SLC11A2: variants seen among roughly 807,000 people sequenced by gnomAD.
SLC11A2 encodes solute carrier family 11 member 2, also known as natural resistance-associated macrophage protein 2.
SLC11A2 carries 38 observed loss-of-function variants against 68.0 expected under a neutral mutation model. That is an observed-to-expected ratio of 0.56 (90% CI 0.43 to 0.73). The LOEUF (loss-of-function observed/expected upper bound fraction) is 0.73, where lower values mean the gene tolerates loss of function less well. SLC11A2 is among the 30% of genes least tolerant of loss of function. The probability of loss-of-function intolerance (pLI) is 0.00; values close to 1 mark genes in which losing one functional copy is unlikely to be tolerated. For missense variants in SLC11A2, 517 were observed against 690.5 expected (o/e 0.75, Z 2.82); for synonymous variants, 242 against 250.6 (o/e 0.97, Z 0.32).
Position 50,986,572 on chromosome 12 carries a change from A to G in SLC11A2, c.*1753T>C. On this transcript the variant is annotated 3_prime_UTR_variant, in exon 16 of 16. Transcript: ENST00000262052. ...TGTTACCATATCATCTTTATAAAGA[A>G]TTTTTTTTTTGTCGTCAGTTTGGCC... is the stretch of plus-strand genomic sequence containing the variant. 8.4e-7 allele frequency: 1 copy of G among 1,191,876 alleles called. No individual in the cohort carries two copies. The highest frequency in any genetic ancestry group is 1.1e-6 in the Non-Finnish European group (1 of 914,220). 73.8% of individuals were successfully genotyped at this position (1,191,876 alleles called of 1,614,324 possible). A position where few individuals can be genotyped will look rare whatever the true frequency, so the allele number is the denominator to read the frequency against.
intron 1 of SLC11A2, among the ~76,000 whole-genome samples, chr12:51,013,772 G>C (rs966871743): frequency 6.6e-6 from 1 of 151,918 alleles, no homozygotes; most frequent in South Asian, 2.1e-4. Flanking sequence ...GAAATGTCTC[G>C]TCTACATCTG....
chr12:51,013,778 A>T (rs1943416799), intron 1 of SLC11A2, among the ~76,000 whole-genome samples: 1 of 152,050 alleles, frequency 6.6e-6, no homozygotes, highest in African/African-American at 2.4e-5. Context: ...TCTCGTCTAC[A>T]TCTGAGGAAG....
At chr12:50,957,853 C>A in the SLC11A2 span, among the ~76,000 whole-genome samples, 1 of 151,868 alleles carries the variant, frequency 6.6e-6, no homozygotes, top group East Asian at 1.9e-4. Flanking sequence ...CCACTGCACT[C>A]CAGCCTTGGG....
intron 1 of SLC11A2, among the ~76,000 whole-genome samples, chr12:51,014,918 C>A (rs1943513246): frequency 6.6e-6 from 1 of 150,998 alleles, no homozygotes; most frequent in Admixed American, 6.6e-5. Context: ...CTCATCACTT[C>A]GGGAGGCTGA....
At chr12:50,965,556 G>A in the SLC11A2 span, among the ~76,000 whole-genome samples, 9 of 152,084 alleles carry the variant, frequency 5.9e-5, no homozygotes, top group African/African-American at 2.2e-4. Flanking sequence ...CAGAACTGAG[G>A]AATAACAGAG....
At chr12:50,974,719 G>A (rs1179146169), downstream of SLC11A2, among the ~76,000 whole-genome samples, 3 of 152,014 alleles carry the variant, frequency 2.0e-5, no homozygotes, top group Non-Finnish European at 4.4e-5. Flanking sequence ...GTCAAGACCC[G>A]TCAGTGTGCT....
intron 11 of SLC11A2, among the ~76,000 whole-genome samples, chr12:50,994,110 G>A (rs1365484725): frequency 4.0e-5 from 6 of 150,184 alleles, no homozygotes; most frequent in East Asian, 2.0e-4. Context: ...GCCCAATCTC[G>A]GCTCACTGCA....
chr12:51,006,081 G>T, intron 3 of SLC11A2: 1 of 205,532 alleles, frequency 4.9e-6, no homozygotes, highest in South Asian at 8.5e-5. Flanking sequence ...ATCACCTGAG[G>T]TTGGGAGTTC....
the SLC11A2 span, among the ~76,000 whole-genome samples, chr12:50,958,114 C>T: frequency 6.6e-6 from 1 of 151,298 alleles, no homozygotes; most frequent in Non-Finnish European, 1.5e-5. Context: ...TCCTGTGTTC[C>T]TGAATTGGAA....
At chr12:50,955,731 A>C in the SLC11A2 span, among the ~76,000 whole-genome samples, 2 of 152,246 alleles carry the variant, frequency 1.3e-5, no homozygotes, top group Admixed American at 1.3e-4. Context: ...AAATGGAAGC[A>C]AATAATTTAA....
chr12:50,974,157 C>T, the SLC11A2 span, among the ~76,000 whole-genome samples: 4 of 151,692 alleles, frequency 2.6e-5, no homozygotes, highest in South Asian at 6.2e-4. Context: ...AGATACTCCT[C>T]GAGAAGAGCA....
intron 5 of SLC11A2, among the ~76,000 whole-genome samples, chr12:51,002,853 T>C (rs952540738): frequency 2.0e-5 from 3 of 151,510 alleles, no homozygotes; most frequent in South Asian, 2.1e-4. Flanking sequence ...GGCAGGAGAA[T>C]AGCTTGAACC....
intron 5 of SLC11A2, among the ~76,000 whole-genome samples, chr12:51,002,268 C>T (rs371062990): frequency 6.6e-6 from 1 of 152,176 alleles, no homozygotes; most frequent in South Asian, 2.1e-4. Flanking sequence ...AGGCTGCTTG[C>T]GCCTGGGAGG....
upstream of SLC11A2, chr12:51,028,081 G>A: frequency 1.4e-6 from 1 of 711,528 alleles, no homozygotes; most frequent in East Asian, 2.9e-5. Context: ...CCTTTCCTTT[G>A]GCAACTTCTA....
Position 50,986,672 on chromosome 12 carries a change from T to G in SLC11A2, c.*1653A>C, listed in dbSNP as rs1940595224. On this transcript the variant is annotated 3_prime_UTR_variant, in exon 16 of 16. Coordinates refer to ENST00000262052, the MANE Select transcript of SLC11A2 (RefSeq NM_000617.3). ...TCACAGAGTGCCTTTATGACCAGTT[T>G]GGAGAATTACGATGGTAAGGGGAAG... 7.8e-7 allele frequency: 1 copy of G among 1,286,676 alleles called. No individual in the cohort carries two copies. The highest frequency in any genetic ancestry group is 1.2e-5 in the South Asian group (1 of 80,920). The allele number at this position is 1,286,676 out of a possible 1,614,324, so 79.7% of individuals were successfully genotyped here.
the SLC11A2 span, among the ~76,000 whole-genome samples, chr12:50,972,196 T>G: frequency 6.6e-6 from 1 of 152,150 alleles, no homozygotes; most frequent in African/African-American, 2.4e-5. Flanking sequence ...ACTGGAAATA[T>G]TCTACCTTCT....
At chr12:51,002,289 A>G (rs1258836851) in intron 5 of SLC11A2, among the ~76,000 whole-genome samples, 1 of 152,162 alleles carries the variant, frequency 6.6e-6, no homozygotes, top group Non-Finnish European at 1.5e-5. Context: ...TCAAGGGTAT[A>G]GTGAGCCATG....
At position 50,987,384 on chromosome 12, in the gene SLC11A2, A is replaced by C. The variant is rs1325007280; in HGVS notation, c.*941T>G. ...TCAGAAAAACATGACGATTCTGCTG[A>C]GAGGTGGCTTTAGGAACAAAATAGA... On this transcript the variant is annotated 3_prime_UTR_variant, in exon 16 of 16. Transcript: ENST00000262052. 2 of 1,287,218 alleles carry C rather than the reference A, an allele frequency of 1.6e-6. No homozygotes were observed. The highest frequency in any genetic ancestry group is 2.3e-5 in the Admixed American group (1 of 43,552). 79.7% of individuals were successfully genotyped at this position (1,287,218 alleles called of 1,614,324 possible).
At chr12:50,983,949 CAG>C (rs1266632923), downstream of SLC11A2, among the ~76,000 whole-genome samples, 1 of 151,076 alleles carries the variant, frequency 6.6e-6, no homozygotes, top group Non-Finnish European at 1.5e-5. Context: ...GCCTGGGCAA[CAG>C]AGTGAGACTC....
Sources: allele counts gnomAD v4.1 joint callset (sites outside exome capture counted in the v4.1 genomes callset), GRCh38; gene constraint gnomAD v4.1.1; transcripts MANE v1.5; gene names NCBI Gene and HGNC (gene_info 2026-07-23, HGNC 2026-07-21).